The following CLASP2 variants were observed in gnomAD, a reference collection of about 807,000 sequenced individuals.
CLASP2 encodes the protein cytoplasmic linker associated protein 2.
Under a neutral mutation model 194.4 loss-of-function variants are expected in CLASP2, and 47 were observed. The observed-to-expected ratio is 0.24, with a 90% CI of 0.19 to 0.31. The LOEUF is 0.31. Among genes scored for constraint, CLASP2 ranks in the 10% least tolerant of loss-of-function variants. The pLI, the probability that CLASP2 is intolerant of heterozygous loss-of-function variation, is 1.00. For synonymous variants in CLASP2, 619 were observed against 633.5 expected (o/e 0.98, Z 0.34); for missense variants, 1,445 against 1,823.6 (o/e 0.79, Z 3.78).
At chr3:33,578,554 A>G (rs1485538683) in intron 23 of CLASP2, among the ~76,000 whole-genome samples, 1 of 152,230 alleles carries the variant, frequency 6.6e-6, no homozygotes, top group African/African-American at 2.4e-5. Flanking sequence ...GGAAGACTGA[A>G]AGAAAGGAGG....
At chr3:33,605,956 G>A (rs932220143) in intron 16 of CLASP2, among the ~76,000 whole-genome samples, 1 of 152,136 alleles carries the variant, frequency 6.6e-6, no homozygotes, top group East Asian at 1.9e-4. Flanking sequence ...GAAATCTGCA[G>A]ATACATGGCA....
At chr3:33,702,719 C>T (rs1180480183) in intron 1 of CLASP2, among the ~76,000 whole-genome samples, 1 of 152,028 alleles carries the variant, frequency 6.6e-6, no homozygotes, top group Non-Finnish European at 1.5e-5. Flanking sequence ...GGACTTGTAT[C>T]CATAAGAACT....
rs2093375175 is a variant in CLASP2 at position 33,717,996 on chromosome 3, G to T, written c.7C>A (p.Pro3Thr). 1 of 1,482,376 alleles carries T rather than the reference G, an allele frequency of 6.7e-7. No individual in the cohort carries two copies. The allele number at this position is 1,482,376 out of a possible 1,614,324, so 91.8% of individuals were successfully genotyped here. A position where few individuals can be genotyped will look rare whatever the true frequency, so the allele number is the denominator to read the frequency against. Residue 3 changes from proline to threonine, a missense_variant, in exon 1 of 39, where the codon CCC (proline) becomes ACC (threonine). By Grantham distance (38) the Pro-to-Thr change is conservative. Coordinates refer to ENST00000682230, the MANE Select transcript of CLASP2 (RefSeq NM_001365631.1). ME[P>T]RSMEYFCAQV... ...GCGCAGAAGTACTCCATGCTGCGGG[G>T]CTCCATGGCTGCGGCCGCCCGCCCG...
intron 27 of CLASP2, among the ~76,000 whole-genome samples, chr3:33,561,976 T>C (rs2061859667): frequency 6.6e-6 from 1 of 152,190 alleles, no homozygotes; most frequent in African/African-American, 2.4e-5. Context: ...ATTTGAGAAC[T>C]AAGAGTTTTG....
chr3:33,653,961 C>A (rs1559540857), intron 7 of CLASP2, among the ~76,000 whole-genome samples: 1 of 150,034 alleles, frequency 6.7e-6, no homozygotes, highest in African/African-American at 2.5e-5. Context: ...GTGAAATCAG[C>A]ATCTAAAAAA....
intron 10 of CLASP2, among the ~76,000 whole-genome samples, chr3:33,626,377 A>C (rs1281592919): frequency 6.6e-6 from 1 of 152,182 alleles, no homozygotes; most frequent in Non-Finnish European, 1.5e-5. Context: ...GTAAACAATA[A>C]GTTCACAAAT....
intron 7 of CLASP2, among the ~76,000 whole-genome samples, chr3:33,657,648 T>G (rs903016904): frequency 1.3e-5 from 2 of 152,112 alleles, no homozygotes; most frequent in African/African-American, 2.4e-5. Flanking sequence ...AGAACTTATT[T>G]GTTAATCCTG....
chr3:33,706,749 C>T (rs765174848), intron 1 of CLASP2, among the ~76,000 whole-genome samples: 4 of 152,014 alleles, frequency 2.6e-5, no homozygotes, highest in Non-Finnish European at 5.9e-5. Flanking sequence ...AATGCTTGAG[C>T]CCAGGAGTTC....
At chr3:33,550,096 G>C (rs1274799139) in intron 30 of CLASP2, among the ~76,000 whole-genome samples, 1 of 151,920 alleles carries the variant, frequency 6.6e-6, no homozygotes, top group Non-Finnish European at 1.5e-5. Flanking sequence ...AAAGTAAATA[G>C]AAGTAAATAT....
chr3:33,665,976 G>A (rs546507910), intron 6 of CLASP2, among the ~76,000 whole-genome samples: 1 of 152,244 alleles, frequency 6.6e-6, no homozygotes, highest in East Asian at 1.9e-4. Context: ...ACACAATTTA[G>A]GAGGCCCACA....
At chr3:33,571,768 A>G (rs2063825681) in intron 25 of CLASP2, among the ~76,000 whole-genome samples, 1 of 152,134 alleles carries the variant, frequency 6.6e-6, no homozygotes, top group South Asian at 2.1e-4. Flanking sequence ...GTGCCACTGC[A>G]CTCCATCCTG....
Position 33,574,857 on chromosome 3 carries a change from G to T in CLASP2, c.2454+1312C>A, listed in dbSNP as rs190991392. Among the ~76,000 whole-genome samples the T allele has an allele frequency of 2.1e-4, 32 of 152,230 alleles. No homozygotes were observed. In the South Asian group the frequency reaches 4.4e-3, roughly 21 times the overall value. On this transcript the variant is annotated intron_variant, in intron 24 of 38. Transcript: ENST00000682230. ...AGTTTTTTCCTAAAAATTGGTAGTT[G>T]TAAGTGGAACTTCTGTGCTCTGCAA...
chr3:33,663,254 A>C (rs1412184911), intron 7 of CLASP2, among the ~76,000 whole-genome samples, 191 bp downstream of exon 7: 1 of 151,284 alleles, frequency 6.6e-6, no homozygotes, highest in African/African-American at 2.4e-5. Context: ...TCACTATTAA[A>C]TTTCCACTCA....
At chr3:33,581,786 T>C (rs775508181) in intron 23 of CLASP2, 35 bp downstream of exon 23, 37 of 1,420,922 alleles carry the variant, frequency 2.6e-5, no homozygotes, top group Admixed American at 1.0e-4. Flanking sequence ...ACACCATGGA[T>C]AAGCAATGCA....
chr3:33,577,261 GA>G, intron 23 of CLASP2: 1 of 1,597,946 alleles, frequency 6.3e-7, no homozygotes, highest in East Asian at 2.2e-5. Flanking sequence ...ATGGTGTCTG[GA>G]GGCTGGAATA....
intron 1 of CLASP2, among the ~76,000 whole-genome samples, chr3:33,701,955 A>G (rs2092405703): frequency 6.6e-6 from 1 of 152,162 alleles, no homozygotes; most frequent in Non-Finnish European, 1.5e-5. Context: ...AAAAAAACAT[A>G]AAAGATTCTT....
Position 33,551,360 on chromosome 3 carries a change from CAG to C in CLASP2, c.3043_3044del (p.Leu1015GlyfsTer14). ...AATCTCCTGGATCCATCTGTTTGGCCAGAGTTTCTATGTATTTAAGGATAGCA... is the reference window on the plus strand; with the variant it reads ...AATCTCCTGGATCCATCTGTTTGGCCAGTTTCTATGTATTTAAGGATAGCA... The part of the protein sequence containing the change: ...KVAILKYIET[L>X]AKQMDPGDFI... On this transcript the variant is annotated frameshift_variant, in exon 30 of 39. Coordinates refer to ENST00000682230, the MANE Select transcript of CLASP2 (RefSeq NM_001365631.1). LOFTEE classifies it high-confidence loss of function. 1 of 1,613,706 alleles carries C rather than the reference CAG, an allele frequency of 6.2e-7. No individual in the cohort carries two copies. The highest frequency in any genetic ancestry group is 8.5e-7 in the Non-Finnish European group (1 of 1,179,760).
At chr3:33,712,941 AGAGCAAAGACCT>A (rs1449406309) in intron 1 of CLASP2, among the ~76,000 whole-genome samples, 1 of 149,426 alleles carries the variant, frequency 6.7e-6, no homozygotes, top group African/African-American at 2.5e-5. Flanking sequence ...CTGGGCGACA[AGAGCAAAGACCT>A]GAGCAAAGAG....
At chr3:33,588,877 C>T (rs1460410984) in intron 21 of CLASP2, 1 of 598,672 alleles carries the variant, frequency 1.7e-6, no homozygotes, top group Non-Finnish European at 2.9e-6. Flanking sequence ...AAAAAGCAAA[C>T]TTTAAAAAAT....
Sources: gnomAD v4.1 joint callset for allele counts (sites outside exome capture counted in the v4.1 genomes callset) on GRCh38, gnomAD v4.1.1 for gene constraint, MANE v1.5 for transcripts, NCBI Gene and HGNC (gene_info 2026-07-23, HGNC 2026-07-21) for gene names.